ARHGAP30: variants seen among roughly 807,000 people sequenced by gnomAD.
The protein encoded by ARHGAP30 is rho GTPase-activating protein 30.
ARHGAP30 carries 23 observed loss-of-function variants against 72.0 expected under a neutral mutation model. The ratio of observed to expected loss-of-function variants is 0.32; its 90% CI spans 0.23 to 0.45. ARHGAP30 has a LOEUF of 0.45. ARHGAP30 is among the 20% of genes least tolerant of loss of function. The pLI is 1.00. For synonymous variants in ARHGAP30, 576 were observed against 528.2 expected (o/e 1.09, Z -1.24); for missense variants, 1,319 against 1,383.4 (o/e 0.95, Z 0.74).
Position 161,051,715 on chromosome 1 carries a change from T to C in ARHGAP30, c.1019A>G (p.Glu340Gly), listed in dbSNP as rs762335494. The C allele has an allele frequency of 1.2e-6, 2 of 1,601,680 alleles. No homozygotes were observed. Among genetic ancestry groups the C allele is most frequent in the South Asian group, 2.2e-5 (2 of 90,136 alleles). The change falls in exon 10 of 12, where the codon GAG becomes GGG. Residue 340 changes from glutamate (E) to glycine (G), a missense_variant and splice_region_variant. By Grantham distance (98) the Glu-to-Gly change is moderately conservative (BLOSUM62 -2). Around this residue, in one of 2 missense-constraint regions of ARHGAP30, gnomAD observed 1,097 missense variants for 1,045.2 expected, o/e 1.05. Coordinates refer to ENST00000368013, the MANE Select transcript of ARHGAP30 (RefSeq NM_001025598.2). ...SLSAAAGASD[E>G]PEGLVGPSSP... ...GCTGGGCCCCACCAGCCCCTCTGGC[T>C]CTGTGGAGGAAAAAGAGGGCCAGGT...
Position 161,054,405 on chromosome 1 carries a change from G to C in ARHGAP30, c.497C>G (p.Ala166Gly). The change falls in exon 5 of 12, where the codon GCT becomes GGT. Residue 166 changes from alanine (A) to glycine (G), a missense_variant. Ala to Gly is a moderately conservative substitution (Grantham distance 60). Around this residue, in one of 2 missense-constraint regions of ARHGAP30, gnomAD observed 222 missense variants for 338.2 expected, o/e 0.66. Coordinates refer to ENST00000368013, the MANE Select transcript of ARHGAP30 (RefSeq NM_001025598.2). ...ASFSAQTNMH[A>G]RNLAIVWAPN... ...AGCCCACACGATGGCCAGGTTGCGA[G>C]CATGCATGTTGGTCTGGGCACTGAA... The C allele has an allele frequency of 6.2e-7, 1 of 1,614,016 alleles. No individual in the cohort carries two copies. The highest frequency in any genetic ancestry group is 8.5e-7 in the Non-Finnish European group (1 of 1,179,980).
At chr1:161,049,926 C>CTATT (rs955477110) in intron 10 of ARHGAP30, among the ~76,000 whole-genome samples, 16 of 152,278 alleles carry the variant, frequency 1.1e-4, no homozygotes, top group Non-Finnish European at 2.1e-4. Context: ...TTCCTCCAAA[C>CTATT]TATTATGTGG....
intron 1 of ARHGAP30, among the ~76,000 whole-genome samples, chr1:161,064,765 GAAAGAAAGAAAGAA>G (rs1183374028): frequency 0.011 from 1,175 of 104,626 alleles, 15 homozygotes; most frequent in Middle Eastern, 0.018. Flanking sequence ...GAAAGAGAAA[GAAAGAAAGAAAGAA>G]AAAGAAAGAA....
At chr1:161,054,524 T>C in intron 4 of ARHGAP30, 51 bp from the exon 5 acceptor site, 1 of 1,603,772 alleles carries the variant, frequency 6.2e-7, no homozygotes, top group Non-Finnish European at 8.5e-7. Context: ...GGGCAGGCAT[T>C]AGGGCTGGGA....
chr1:161,051,565 CGTG>C lies in ARHGAP30; in HGVS notation c.1166_1168del (p.Pro389del), dbSNP rs1557919973. ...AGCCCGGATGGCTGACCGCCCAGCT[CGTG>C]GTGTGCCTGGTTCAGAGTTTGTGCC... On this transcript the variant is annotated inframe_deletion, in exon 10 of 12. Coordinates refer to ENST00000368013, the MANE Select transcript of ARHGAP30 (RefSeq NM_001025598.2). 6.2e-7 allele frequency: 1 copy of C among 1,614,066 alleles called. No homozygotes were observed.
chr1:161,066,155 A>G (rs1252794037), intron 1 of ARHGAP30, among the ~76,000 whole-genome samples: 1 of 150,032 alleles, frequency 6.7e-6, no homozygotes, highest in African/African-American at 2.4e-5. Flanking sequence ...GTGAGCCACC[A>G]TGCTCAGCCA....
chr1:161,058,192 A>G (rs562555643), intron 2 of ARHGAP30, among the ~76,000 whole-genome samples: 2 of 151,970 alleles, frequency 1.3e-5, no homozygotes, highest in African/African-American at 4.8e-5. Context: ...TGTGCCTGTA[A>G]TCCCAGCTAC....
intron 2 of ARHGAP30, among the ~76,000 whole-genome samples, chr1:161,059,001 ATTTTTTGATATGTAAATTATATCTAAG>A: frequency 6.6e-6 from 1 of 152,148 alleles, no homozygotes; most frequent in Non-Finnish European, 1.5e-5. Flanking sequence ...TAAATGGTGA[ATTTTTTGATATGTAAATTATATCTAAG>A]TTTTTTGTTT....
In ARHGAP30 at chr1:161,047,609, G is replaced by T; in HGVS notation, c.*106C>A. 7.8e-7 allele frequency: 1 copy of T among 1,275,136 alleles called. No homozygotes were observed. The highest frequency in any genetic ancestry group is 1.1e-6 in the Non-Finnish European group (1 of 946,428). 79.0% of individuals were successfully genotyped at this position (1,275,136 alleles called of 1,614,324 possible). A position where few individuals can be genotyped will look rare whatever the true frequency, so the allele number is the denominator to read the frequency against. ...AGAAGCTGGAGGGCCAAAGCCTATA[G>T]AGTTGGGCACTACAGCTGCTCATGC... is the stretch of plus-strand genomic sequence containing the variant. On this transcript the variant is annotated 3_prime_UTR_variant, in exon 12 of 12. Coordinates refer to ENST00000368013, the MANE Select transcript of ARHGAP30 (RefSeq NM_001025598.2).
intron 1 of ARHGAP30, among the ~76,000 whole-genome samples, chr1:161,067,594 G>GAAAGAA (rs1334211868): frequency 2.6e-5 from 4 of 151,436 alleles, no homozygotes; most frequent in East Asian, 1.9e-4. Flanking sequence ...AAGAAAGAAA[G>GAAAGAA]AAACCTGAAC....
intron 1 of ARHGAP30, among the ~76,000 whole-genome samples, chr1:161,061,886 G>C (rs779843850): frequency 6.6e-6 from 1 of 152,114 alleles, no homozygotes; most frequent in South Asian, 2.1e-4. Context: ...TCAGGAGTTC[G>C]AGACCAGCCT....
Position 161,047,674 on chromosome 1 carries a change from G to T in ARHGAP30, c.*41C>A. On this transcript the variant is annotated 3_prime_UTR_variant, in exon 12 of 12. Transcript: ENST00000368013. ...CTAGTCAGGAACCCTGGAGATTCAA[G>T]ACAACTTGCTGGTCCCCTTTGCCCA... 6.7e-7 allele frequency: 1 copy of T among 1,492,834 alleles called. No individual in the cohort carries two copies. The highest frequency in any genetic ancestry group is 1.4e-5 in the South Asian group (1 of 69,800). The allele number at this position is 1,492,834 out of a possible 1,614,324, so 92.5% of individuals were successfully genotyped here.
Position 161,049,523 on chromosome 1 carries a change from C to A in ARHGAP30, c.1587G>T (p.Gly529=). The A allele has an allele frequency of 6.2e-7, 1 of 1,614,164 alleles. No homozygotes were observed. Among genetic ancestry groups the A allele is most frequent in the Non-Finnish European group, 8.5e-7 (1 of 1,180,026 alleles). ...CTGCTGCTTCTGCCTGGGCCACCTCCCCATCCTCTGCCCCCACCCACTCAG... is the reference window on the plus strand; with the variant it reads ...CTGCTGCTTCTGCCTGGGCCACCTCACCATCCTCTGCCCCCACCCACTCAG... ...SEPEWVGAED[G]EVAQAEAAGA... Residue 529 remains glycine, a synonymous_variant, in exon 11 of 12, where the codon GGG becomes GGT. Coordinates refer to ENST00000368013, the MANE Select transcript of ARHGAP30 (RefSeq NM_001025598.2).
chr1:161,060,241 T>C (rs1652213880), intron 1 of ARHGAP30: 1 of 450,818 alleles, frequency 2.2e-6, no homozygotes, highest in Non-Finnish European at 4.4e-6. Context: ...CACTCTGGCC[T>C]GCTGGGTAAC....
chr1:161,060,107 T>C, intron 1 of ARHGAP30: 1 of 370,340 alleles, frequency 2.7e-6, no homozygotes, highest in Non-Finnish European at 5.5e-6. Flanking sequence ...ATGCTGAAAC[T>C]CTGTCTCTAC....
intron 3 of ARHGAP30, 76 bp from the exon 4 acceptor site, chr1:161,054,781 A>G (rs1235258223): frequency 1.6e-5 from 21 of 1,315,748 alleles, no homozygotes; most frequent in Non-Finnish European, 2.2e-5. Flanking sequence ...GCTTGTAACC[A>G]AGTTCTCAGG....
At chr1:161,065,226 T>G (rs1458038261) in intron 1 of ARHGAP30, among the ~76,000 whole-genome samples, 1 of 152,150 alleles carries the variant, frequency 6.6e-6, no homozygotes, top group African/African-American at 2.4e-5. Flanking sequence ...TCTGCCTGCC[T>G]CGGCCTCCTA....
rs569482444 is a variant in ARHGAP30, at chr1:161,051,735, C to A, written c.1019-20G>T. 1.0e-5 allele frequency: 16 copies of A among 1,579,592 alleles called. No individual in the cohort carries two copies. The highest frequency in any genetic ancestry group is 9.0e-5 in the East Asian group (4 of 44,352). On this transcript the variant is annotated intron_variant, in intron 9 of 11. Coordinates refer to ENST00000368013, the MANE Select transcript of ARHGAP30 (RefSeq NM_001025598.2). ...CTGGCTCTGTGGAGGAAAAAGAGGG[C>A]CAGGTAGGCAATAGCCTAAACTCCA...
intron 9 of ARHGAP30, 89 bp downstream of exon 9, chr1:161,052,197 A>G: frequency 6.9e-7 from 1 of 1,440,766 alleles, no homozygotes; most frequent in South Asian, 1.1e-5. Context: ...TTTTGAAATT[A>G]TTGAACACAG....
Sources: allele counts gnomAD v4.1 joint callset (sites outside exome capture counted in the v4.1 genomes callset), GRCh38; gene constraint gnomAD v4.1.1; regional missense constraint gnomAD v4.1.1; transcripts MANE v1.5; gene names NCBI Gene and HGNC (gene_info 2026-07-23, HGNC 2026-07-21).